DPP10: variants seen among roughly 807,000 people sequenced by gnomAD.
DPP10 encodes inactive dipeptidyl peptidase 10.
Under a neutral mutation model 120.9 loss-of-function variants are expected in DPP10, and 33 were observed. The observed-to-expected ratio is 0.27, with a 90% confidence interval of 0.21 to 0.37. The LOEUF (loss-of-function observed/expected upper bound fraction) is 0.37, where lower values mean the gene tolerates loss of function less well. DPP10 is among the 10% of genes least tolerant of loss of function. DPP10 has a pLI of 1.00. For synonymous variants in DPP10, 337 were observed against 326.1 expected, an observed-to-expected ratio of 1.03 and a Z score of -0.36; for missense variants, 816 against 942.8, an observed-to-expected ratio of 0.87 and a Z score of 1.76.
At chr2:115,136,164 GAA>G (rs5833579) in intron 1 of DPP10, among the ~76,000 whole-genome samples, 16 of 150,690 alleles carry the variant, frequency 1.1e-4, no homozygotes, top group South Asian at 8.4e-4. Flanking sequence ...GGTTTATGCT[GAA>G]AAAAAAAACA....
intron 3 of DPP10, among the ~76,000 whole-genome samples, chr2:115,345,724 A>G (rs1183991290): frequency 6.6e-6 from 1 of 152,160 alleles, no homozygotes; most frequent in Non-Finnish European, 1.5e-5. Context: ...GAAGCTCCGA[A>G]GGACAGGACA....
intron 21 of DPP10, among the ~76,000 whole-genome samples, chr2:115,827,312 C>CATGTATATGTAT (rs1400611767): frequency 4.6e-4 from 16 of 34,716 alleles, no homozygotes; most frequent in Non-Finnish European, 6.7e-4. Context: ...TATATATACA[C>CATGTATATGTAT]ATGTACATGT....
intron 1 of DPP10, among the ~76,000 whole-genome samples, chr2:114,832,639 A>C (rs1456566338): frequency 6.6e-6 from 1 of 152,230 alleles, no homozygotes; most frequent in Non-Finnish European, 1.5e-5. Context: ...GAGCCTTCAA[A>C]TGTAACTTAG....
At chr2:115,099,435 A>G (rs1040758366) in intron 1 of DPP10, among the ~76,000 whole-genome samples, 1 of 152,218 alleles carries the variant, frequency 6.6e-6, no homozygotes, top group African/African-American at 2.4e-5. Flanking sequence ...CAGGATGACT[A>G]TCACTTTATT....
At chr2:115,654,947 A>C (rs184501424) in intron 5 of DPP10, among the ~76,000 whole-genome samples, 1 of 151,890 alleles carries the variant, frequency 6.6e-6, no homozygotes, top group African/African-American at 2.4e-5. Context: ...ATTTCTTCAT[A>C]AAATTCAGCC....
chr2:115,469,884 GAA>G (rs1212190142), intron 3 of DPP10, among the ~76,000 whole-genome samples: 2 of 75,558 alleles, frequency 2.6e-5, no homozygotes, highest in South Asian at 4.3e-4. Flanking sequence ...GGCAACAAGA[GAA>G]AAAAAAAAAA....
intron 1 of DPP10, among the ~76,000 whole-genome samples, chr2:114,580,883 G>A (rs1573710488): frequency 1.3e-5 from 2 of 152,150 alleles, no homozygotes; most frequent in East Asian, 3.9e-4. Context: ...TCAGCTCACT[G>A]CCATCTCAGC....
intron 1 of DPP10, among the ~76,000 whole-genome samples, chr2:115,256,283 A>G (rs185839364): frequency 6.6e-6 from 1 of 152,346 alleles, no homozygotes; most frequent in African/African-American, 2.4e-5. Flanking sequence ...ACTCACTATC[A>G]AAAGAACAGC....
chr2:115,632,873 A>G (rs1207343980), intron 5 of DPP10, among the ~76,000 whole-genome samples: 6 of 152,192 alleles, frequency 3.9e-5, no homozygotes, highest in Non-Finnish European at 8.8e-5. Flanking sequence ...AATCAAAACC[A>G]CAATGAGATA....
At chr2:115,179,643 A>G (rs918383268) in intron 1 of DPP10, among the ~76,000 whole-genome samples, 4 of 152,162 alleles carry the variant, frequency 2.6e-5, no homozygotes, top group African/African-American at 4.8e-5. Context: ...TATGTTTGCA[A>G]AGAAAAATTA....
intron 1 of DPP10, among the ~76,000 whole-genome samples, chr2:114,807,187 T>C (rs917982475): frequency 1.3e-5 from 2 of 152,204 alleles, no homozygotes; most frequent in Non-Finnish European, 2.9e-5. Flanking sequence ...AAATAGAACA[T>C]TATCTTTACC....
intron 1 of DPP10, among the ~76,000 whole-genome samples, chr2:114,473,493 GA>G (rs1260818423): frequency 6.6e-6 from 1 of 152,188 alleles, no homozygotes; most frequent in Non-Finnish European, 1.5e-5. Context: ...ATTTTTTGAA[GA>G]TCAGTTTGTT....
intron 5 of DPP10, among the ~76,000 whole-genome samples, chr2:115,535,415 A>T (rs190649367): frequency 6.2e-4 from 95 of 152,190 alleles, no homozygotes; most frequent in African/African-American, 2.1e-3. Context: ...CAAAGATCAG[A>T]TAGTTGCAGA....
intron 1 of DPP10, chr2:115,066,722 G>C (rs1345169509): frequency 6.6e-6 from 1 of 152,094 alleles, no homozygotes; most frequent in East Asian, 1.9e-4. Context: ...AGATGACTAA[G>C]GGAACAAAAT....
At chr2:114,487,320 T>C (rs957037263) in intron 1 of DPP10, among the ~76,000 whole-genome samples, 1 of 152,152 alleles carries the variant, frequency 6.6e-6, no homozygotes, top group Admixed American at 6.5e-5. Flanking sequence ...GGCCCACAAA[T>C]AGACATTTGA....
chr2:114,583,850 G>T (rs554373430), intron 1 of DPP10, among the ~76,000 whole-genome samples: 82 of 152,192 alleles, frequency 5.4e-4, no homozygotes, highest in Non-Finnish European at 9.6e-4. Flanking sequence ...ATAGCATTTG[G>T]TTCCCTCCTC....
rs76134266 is a variant in DPP10, at chr2:114,497,009, T to A, written c.60+54171T>A. Among the ~76,000 whole-genome samples, 502 of 150,884 alleles carry A rather than the reference T, an allele frequency of 3.3e-3. 7 individuals are homozygous for A. The East Asian group carries it at 0.063, about 19-fold the overall frequency. On this transcript the variant is annotated intron_variant, in intron 1 of 25. Coordinates refer to ENST00000410059, the MANE Select transcript of DPP10 (RefSeq NM_020868.6). ...CACCATACACAGACATATATATATA[T>A]AATATGTATATATGTGTGTATATAT...
At chr2:115,827,980 T>A (rs1688548151) in intron 21 of DPP10, among the ~76,000 whole-genome samples, 1 of 152,138 alleles carries the variant, frequency 6.6e-6, no homozygotes, top group Admixed American at 6.5e-5. Flanking sequence ...ATTCCAGTGT[T>A]CATCATTTCT....
At chr2:115,758,146 A>G (rs1679657445) in intron 11 of DPP10, among the ~76,000 whole-genome samples, 1 of 152,160 alleles carries the variant, frequency 6.6e-6, no homozygotes, top group Non-Finnish European at 1.5e-5. Context: ...AAACCCTAGA[A>G]TACAAAATCA....
Sources: gnomAD v4.1 joint callset for allele counts (sites outside exome capture counted in the v4.1 genomes callset) on GRCh38, gnomAD v4.1.1 for gene constraint, MANE v1.5 for transcripts, NCBI Gene and HGNC (gene_info 2026-07-23, HGNC 2026-07-21) for gene names.